The following RUVBL1 variants were observed in gnomAD, a reference collection of about 807,000 sequenced individuals.
The protein encoded by RUVBL1 is RuvB like AAA ATPase 1.
In RUVBL1, 4 loss-of-function variants were observed where a neutral mutation model predicts 52.4. The observed-to-expected ratio is 0.08, with a 90% CI of 0.04 to 0.17. The LOEUF (loss-of-function observed/expected upper bound fraction) is 0.17. Among genes scored for constraint, RUVBL1 ranks in the 10% least tolerant of loss-of-function variants. RUVBL1 has a pLI of 1.00. For synonymous variants in RUVBL1, 217 were observed against 214.4 expected (o/e 1.01, Z -0.10); for missense variants, 298 against 572.8 (o/e 0.52, Z 4.90).
chr3:128,123,271 T>A (rs1018031807), intron 1 of RUVBL1, among the ~76,000 whole-genome samples: 1 of 152,168 alleles, frequency 6.6e-6, no homozygotes, highest in Non-Finnish European at 1.5e-5. Flanking sequence ...TCCCGCTGTA[T>A]CCCAGTGTCG....
At chr3:128,150,694 A>C (rs1448628457) in intron 1 of RUVBL1, among the ~76,000 whole-genome samples, 1 of 126,662 alleles carries the variant, frequency 7.9e-6, no homozygotes, top group Non-Finnish European at 1.6e-5. Flanking sequence ...TCTATATATT[A>C]TATATTCTAT....
intron 1 of RUVBL1, among the ~76,000 whole-genome samples, chr3:128,130,629 G>GTATT (rs900117784): frequency 0.026 from 579 of 21,858 alleles, 15 homozygotes; most frequent in Admixed American, 0.087. Flanking sequence ...ATTTATTTAT[G>GTATT]TATTTATTTA....
intron 3 of RUVBL1, among the ~76,000 whole-genome samples, chr3:128,111,347 T>C (rs1943389776): frequency 6.6e-6 from 1 of 152,122 alleles, no homozygotes; most frequent in African/African-American, 2.4e-5. Context: ...AGATAAGCAC[T>C]GACCACTGTA....
intron 1 of RUVBL1, among the ~76,000 whole-genome samples, chr3:128,134,302 A>AAAATAC (rs1453209736): frequency 6.6e-6 from 1 of 151,660 alleles, no homozygotes; most frequent in East Asian, 1.9e-4. Flanking sequence ...TTCTCTACTA[A>AAAATAC]AAATACAAAT....
rs150961248 is a variant in RUVBL1, at chr3:128,069,987, G to A, written c.940-4767C>T. 1,151 of 195,490 alleles carry A rather than the reference G, an allele frequency of 5.9e-3. 6 individuals are homozygous for A. The highest frequency in any genetic ancestry group is 8.9e-3 in the Non-Finnish European group (856 of 96,560). The allele number at this position is 195,490 out of a possible 1,614,324, so 12.1% of individuals were successfully genotyped here. On this transcript the variant is annotated intron_variant, in intron 9 of 9. Coordinates refer to the RUVBL1 transcript ENST00000464873. ...CTCAGTGCTGTATGCGGCTGCAGCC[G>A]TCTCACCTGTTTCCCCACAAAGGGA...
At position 128,067,044 on chromosome 3, in the gene RUVBL1, C is replaced by T; in HGVS notation, c.940-1824G>A. The T allele has an allele frequency of 6.2e-7, 1 of 1,614,202 alleles. No individual in the cohort carries two copies. Among genetic ancestry groups the T allele is most frequent in the Middle Eastern group, 1.6e-4 (1 of 6,062 alleles). On this transcript the variant is annotated intron_variant, in intron 9 of 9. Coordinates refer to the RUVBL1 transcript ENST00000464873. The surrounding 1 kb of genome is among the most constrained non-coding windows in gnomAD (Gnocchi z 4.1). ...CAAGCTCTTCTATACGTCCAACATCCCCATCATCCTGCAGTCTGCCCTGGT... is the reference window on the plus strand; with the variant it reads ...CAAGCTCTTCTATACGTCCAACATCTCCATCATCCTGCAGTCTGCCCTGGT...
chr3:128,150,736 A>G lies in RUVBL1; in HGVS notation c.-40+2467T>C, dbSNP rs1313682117. Reference sequence around the variant, plus strand: ...TCTATATATTATATATTCTATATATATTCTATATTATATATTCTCTATATA... The same window carrying G: ...TCTATATATTATATATTCTATATATGTTCTATATTATATATTCTCTATATA... On this transcript the variant is annotated intron_variant, in intron 1 of 9. Transcript: ENST00000464873. Among the ~76,000 whole-genome samples the G allele has an allele frequency of 5.2e-5, 6 of 115,898 alleles. No homozygotes were observed. The South Asian group carries it at 9.9e-4, about 19-fold the overall frequency. The allele number at this position is 115,898 out of a possible 152,430, so 76.0% of individuals were successfully genotyped here.
intron 1 of RUVBL1, among the ~76,000 whole-genome samples, chr3:128,150,524 ATCCATATGTATATATGTATGT>A (rs1185828409): frequency 1.4e-3 from 211 of 146,718 alleles, no homozygotes; most frequent in African/African-American, 4.7e-3. Context: ...TGGAATATAC[ATCCATATGTATATATGTATGT>A]TCCATATGTA....
chr3:128,115,249 C>T (rs1943495812), intron 2 of RUVBL1, among the ~76,000 whole-genome samples: 1 of 152,194 alleles, frequency 6.6e-6, no homozygotes, highest in Admixed American at 6.5e-5. Flanking sequence ...ATGCAAACCC[C>T]AATCTCCAAA....
chr3:128,120,193 A>G (rs1326955793), intron 1 of RUVBL1, among the ~76,000 whole-genome samples: 1 of 152,176 alleles, frequency 6.6e-6, no homozygotes, highest in East Asian at 1.9e-4. Context: ...TTTTTTCCAG[A>G]GAAAGGATCC....
At chr3:128,098,093 G>T (rs1553726438) in intron 7 of RUVBL1, among the ~76,000 whole-genome samples, 1 of 152,170 alleles carries the variant, frequency 6.6e-6, no homozygotes, top group Non-Finnish European at 1.5e-5. Flanking sequence ...CTCCTAGAGG[G>T]ATGAGTCTCT....
intron 1 of RUVBL1, among the ~76,000 whole-genome samples, chr3:128,148,513 G>C (rs1163599196): frequency 6.6e-6 from 1 of 152,130 alleles, no homozygotes; most frequent in Non-Finnish European, 1.5e-5. Flanking sequence ...TACACATTCA[G>C]GTTGTGTATG....
rs548029441 is a variant in RUVBL1 at position 128,100,840 on chromosome 3, T to G, written c.604-96A>C. The stretch of plus-strand genomic sequence containing the variant: ...GTGAGATAAAGGTCTCAGTTCCCAC[T>G]GCAGGCCTGACAGCCTACTTGACAA... On this transcript the variant is annotated intron_variant, in intron 5 of 10. Transcript: ENST00000322623. The G allele has an allele frequency of 3.5e-5, 49 of 1,417,406 alleles. 1 individual carries two copies. The African/African-American group carries it at 6.8e-4, about 20-fold the overall frequency. 87.8% of individuals were successfully genotyped at this position (1,417,406 alleles called of 1,614,324 possible).
At chr3:128,068,123 G>A (rs1197757619) in intron 9 of RUVBL1, 1 of 1,330,684 alleles carries the variant, frequency 7.5e-7, no homozygotes, top group African/African-American at 1.4e-5. Context: ...TTTCCATGCA[G>A]GGCATCCTGA....
At chr3:128,064,867 C>T (rs989043834) in exon 10 of RUVBL1, 2 of 1,586,308 alleles carry the variant, frequency 1.3e-6, no homozygotes, top group African/African-American at 1.3e-5. Context: ...GTCTCCTCCT[C>T]TGCCAACAGG....
rs369660491 is a variant in RUVBL1 at position 128,113,070 on chromosome 3, A to G, written c.229-50T>C. 5 of 1,600,210 alleles carry G rather than the reference A, an allele frequency of 3.1e-6. No homozygotes were observed. In the Admixed American group the frequency reaches 8.7e-5, roughly 28 times the overall value. ...CAGTTCACAGTCCTGAAAACATGAC[A>G]GTTCAGAAACACATGCTACAGAACC... On this transcript the variant is annotated intron_variant, in intron 2 of 10. Coordinates refer to ENST00000322623, the MANE Select transcript of RUVBL1 (RefSeq NM_003707.3).
At chr3:128,084,492 C>T (rs938728839) in intron 9 of RUVBL1, 6 of 152,166 alleles carry the variant, frequency 3.9e-5, no homozygotes, top group African/African-American at 1.4e-4. Flanking sequence ...AATATTGAAT[C>T]CTGGAGCCTG....
At chr3:128,129,054 G>A (rs1216531644) in intron 1 of RUVBL1, among the ~76,000 whole-genome samples, 1 of 152,090 alleles carries the variant, frequency 6.6e-6, no homozygotes, top group South Asian at 2.1e-4. Context: ...TTCTTTCCTA[G>A]CACAGTTCTC....
chr3:128,123,780 GC>G lies in RUVBL1; in HGVS notation c.-57del. 6.5e-7 allele frequency: 1 copy of G among 1,527,568 alleles called. No individual in the cohort carries two copies. The highest frequency in any genetic ancestry group is 8.9e-7 in the Non-Finnish European group (1 of 1,128,890). The allele number at this position is 1,527,568 out of a possible 1,614,324, so 94.6% of individuals were successfully genotyped here. ...GGAAAACCAGCAGCTAGGACAGTGCGCCCGGCGCCTGAGTTACCATGCGGCC... is the reference window on the plus strand; with the variant it reads ...GGAAAACCAGCAGCTAGGACAGTGCGCCGGCGCCTGAGTTACCATGCGGCC... On this transcript the variant is annotated 5_prime_UTR_variant, in exon 1 of 11. An upstream open reading frame in the 5' UTR loses its in-frame stop. Transcript: ENST00000322623.
Sources: gnomAD v4.1 joint callset for allele counts (sites outside exome capture counted in the v4.1 genomes callset) on GRCh38, gnomAD v4.1.1 for gene constraint, Gnocchi (gnomAD v3.1) non-coding constraint, MANE v1.5 for transcripts, NCBI Gene and HGNC (gene_info 2026-07-23, HGNC 2026-07-21) for gene names.